The following RHOBTB3 variants were observed in gnomAD, a reference collection of about 807,000 sequenced individuals.
RHOBTB3 encodes Rho related BTB domain containing 3.
In RHOBTB3, 47 loss-of-function variants were observed where a neutral mutation model predicts 67.2. The observed-to-expected ratio is 0.70, with a 90% confidence interval of 0.55 to 0.89. The LOEUF is 0.89. Ranked by LOEUF, RHOBTB3 falls within the 40% of genes least tolerant of loss-of-function variation. RHOBTB3 has a pLI of 0.00. For synonymous variants in RHOBTB3, 273 were observed against 274.2 expected, an observed-to-expected ratio of 1.00 and a Z score of 0.04; for missense variants, 631 against 750.0, an observed-to-expected ratio of 0.84 and a Z score of 1.85.
intron 4 of RHOBTB3, chr5:95,751,495 A>G (rs1054512138): frequency 5.3e-5 from 8 of 151,316 alleles, no homozygotes; most frequent in Admixed American, 1.3e-4. Flanking sequence ...ATATATATAT[A>G]TATTTGTTAA....
intron 3 of RHOBTB3, among the ~76,000 whole-genome samples, chr5:95,738,455 G>A (rs1049293254): frequency 5.3e-5 from 8 of 152,204 alleles, no homozygotes; most frequent in African/African-American, 1.9e-4. Flanking sequence ...GTTGGGCAGT[G>A]AGACTTTAGG....
At position 95,748,340 on chromosome 5, in the gene RHOBTB3, A is replaced by G; in HGVS notation, c.423A>G (p.Leu141=). 9 of 1,601,570 alleles carry G rather than the reference A, an allele frequency of 5.6e-6. No homozygotes were observed. Among genetic ancestry groups the G allele is most frequent in the Non-Finnish European group, 7.7e-6 (9 of 1,175,160 alleles). ...AAVGTRQNEE[L]PCTCPLCTSD... Reference sequence around the variant, plus strand: ...TAAAATTTGTTTTCTCAGAAGAGTTACCTTGTACATGCCCACTATGTACCT... The same window carrying G: ...TAAAATTTGTTTTCTCAGAAGAGTTGCCTTGTACATGCCCACTATGTACCT... Residue 141 remains leucine (L), a synonymous_variant, in exon 4 of 12, where the codon TTA becomes TTG. Transcript: ENST00000379982.
chr5:95,760,387 G>C (rs1300702740), intron 6 of RHOBTB3, among the ~76,000 whole-genome samples: 2 of 152,146 alleles, frequency 1.3e-5, no homozygotes, highest in African/African-American at 4.8e-5. Flanking sequence ...TATGATCTCA[G>C]ATGGTTAGGA....
At chr5:95,774,932 C>T (rs980925932) in intron 8 of RHOBTB3, among the ~76,000 whole-genome samples, 1 of 152,072 alleles carries the variant, frequency 6.6e-6, no homozygotes, top group African/African-American at 2.4e-5. Context: ...CTGGCAGCAA[C>T]TCTGCTAGAG....
chr5:95,786,658 A>G (rs1388078560), intron 10 of RHOBTB3, among the ~76,000 whole-genome samples: 1 of 152,198 alleles, frequency 6.6e-6, no homozygotes. Context: ...ATATTTGGCT[A>G]TCTGAGGCAC....
intron 7 of RHOBTB3, among the ~76,000 whole-genome samples, chr5:95,764,542 A>G (rs907198533): frequency 2.0e-4 from 30 of 152,198 alleles, no homozygotes; most frequent in East Asian, 1.2e-3. Context: ...TTTAAAAAAC[A>G]TTTCAAAACT....
At chr5:95,791,114 T>C (rs1746373301) in intron 11 of RHOBTB3, among the ~76,000 whole-genome samples, 1 of 152,142 alleles carries the variant, frequency 6.6e-6, no homozygotes, top group South Asian at 2.1e-4. Flanking sequence ...TATAGAACTG[T>C]CCATCTTCAG....
intron 9 of RHOBTB3, 88 bp downstream of exon 9, chr5:95,780,513 T>G (rs1380152411): frequency 2.7e-6 from 3 of 1,114,278 alleles, no homozygotes; most frequent in Non-Finnish European, 4.0e-6. Context: ...GAATCTATTT[T>G]CATTTAAGAT....
At chr5:95,780,550 T>C in intron 9 of RHOBTB3, 125 bp downstream of exon 9, 1 of 800,272 alleles carries the variant, frequency 1.2e-6, no homozygotes, top group East Asian at 2.6e-5. Context: ...CGGAATGTAC[T>C]AAGCAATTAG....
chr5:95,720,876 A>G (rs955235944), intron 1 of RHOBTB3, among the ~76,000 whole-genome samples: 3 of 152,240 alleles, frequency 2.0e-5, no homozygotes, highest in Non-Finnish European at 4.4e-5. Flanking sequence ...ACTGTGCACT[A>G]ACTTGTTCAA....
chr5:95,771,054 G>A (rs964440028), intron 8 of RHOBTB3, among the ~76,000 whole-genome samples: 1 of 152,158 alleles, frequency 6.6e-6, no homozygotes, highest in East Asian at 1.9e-4. Flanking sequence ...CAGGATTTTA[G>A]TGCTTGCTAA....
Position 95,755,462 on chromosome 5 carries a change from G to C in RHOBTB3, c.749G>C (p.Cys250Ser). 1.2e-6 allele frequency: 2 copies of C among 1,613,334 alleles called. No individual in the cohort carries two copies. The highest frequency in any genetic ancestry group is 1.7e-6 in the Non-Finnish European group (2 of 1,179,566). The part of the protein sequence containing the change: ...YNSDLNNLLF[C>S]CQCVDVVFYN... Reference sequence around the variant, plus strand: ...TCTGACTTAAATAACTTGCTGTTCTGCTGCCAGTGTGTGGACGTGGTATTT... The same window carrying C: ...TCTGACTTAAATAACTTGCTGTTCTCCTGCCAGTGTGTGGACGTGGTATTT... The change falls in exon 6 of 12, where the codon TGC becomes TCC. Residue 250 changes from cysteine (C) to serine (S), a missense_variant. Physicochemically the swap from Cys to Ser is moderately radical, Grantham distance 112. Coordinates refer to ENST00000379982, the MANE Select transcript of RHOBTB3 (RefSeq NM_014899.4).
chr5:95,747,950 A>C (rs1744968436), intron 3 of RHOBTB3, among the ~76,000 whole-genome samples: 1 of 152,180 alleles, frequency 6.6e-6, no homozygotes, highest in East Asian at 1.9e-4. Flanking sequence ...AAGCAAATCC[A>C]CTGTTTTCCA....
upstream of RHOBTB3, among the ~76,000 whole-genome samples, chr5:95,730,600 T>C (rs947492014): frequency 2.0e-5 from 3 of 152,088 alleles, no homozygotes; most frequent in African/African-American, 7.2e-5. Context: ...TACAGAAAAA[T>C]CTCCAAGTAA....
At chr5:95,756,171 C>G (rs1345442391) in intron 6 of RHOBTB3, 4 of 159,938 alleles carry the variant, frequency 2.5e-5, no homozygotes, top group Admixed American at 1.8e-4. Context: ...ATTCCGACCT[C>G]TTTCCAGCCC....
intron 8 of RHOBTB3, among the ~76,000 whole-genome samples, chr5:95,777,866 C>T (rs771937934): frequency 2.6e-5 from 4 of 152,132 alleles, no homozygotes; most frequent in South Asian, 2.1e-4. Flanking sequence ...CCTGTAATGC[C>T]GGCACTTTGA....
Position 95,780,280 on chromosome 5 carries a change from C to T in RHOBTB3, c.1311C>T (p.Ile437=), listed in dbSNP as rs147485400. 672 of 1,613,936 alleles carry T rather than the reference C, an allele frequency of 4.2e-4. 3 individuals are homozygous for T. In the African/African-American group the frequency reaches 7.7e-3, roughly 18 times the overall value. The change falls in exon 9 of 12, where the codon ATC becomes ATT. Residue 437 remains isoleucine, a synonymous_variant. Coordinates refer to ENST00000379982, the MANE Select transcript of RHOBTB3 (RefSeq NM_014899.4). The part of the protein sequence containing the change: ...QGTTVPAHRA[I]LVARCEVMAA... ...CGACAGTGCCAGCCCACAGGGCCAT[C>T]CTGGTGGCCCGTTGTGAAGTGATGG... is the stretch of plus-strand genomic sequence containing the variant.
chr5:95,788,163 C>T (rs989651626), intron 10 of RHOBTB3, among the ~76,000 whole-genome samples: 2 of 152,190 alleles, frequency 1.3e-5, no homozygotes, highest in African/African-American at 4.8e-5. Flanking sequence ...ATGTCAGTGG[C>T]CTGCTTGCTT....
intron 8 of RHOBTB3, among the ~76,000 whole-genome samples, chr5:95,772,219 G>A (rs895078642): frequency 1.3e-5 from 2 of 152,176 alleles, no homozygotes; most frequent in Non-Finnish European, 1.5e-5. Context: ...TAATCTGAAG[G>A]TTATATGGTG....
Sources: allele counts gnomAD v4.1 joint callset (sites outside exome capture counted in the v4.1 genomes callset), GRCh38; gene constraint gnomAD v4.1.1; transcripts MANE v1.5; gene names NCBI Gene and HGNC (gene_info 2026-07-23, HGNC 2026-07-21).